Variants in ITCH observed in about 807,000 individuals in gnomAD.
The protein encoded by ITCH is E3 ubiquitin-protein ligase Itchy homolog.
In ITCH, 28 loss-of-function variants were observed where a neutral mutation model predicts 126.8. The observed-to-expected ratio is 0.22, with a 90% CI of 0.16 to 0.30. The LOEUF (loss-of-function observed/expected upper bound fraction) is 0.30. Among genes scored for constraint, ITCH ranks in the 10% least tolerant of loss-of-function variants. The pLI is 1.00. For missense variants in ITCH, 631 were observed against 1,032.4 expected (o/e 0.61, Z 5.33); for synonymous variants, 342 against 340.0 (o/e 1.01, Z -0.06).
intron 14 of ITCH, among the ~76,000 whole-genome samples, chr20:34,468,844 A>G (rs182252001): frequency 6.6e-6 from 1 of 152,234 alleles, no homozygotes; most frequent in East Asian, 1.9e-4. Flanking sequence ...ATTGGAAAGG[A>G]AGAAGTAAAA....
intron 14 of ITCH, among the ~76,000 whole-genome samples, 190 bp downstream of exon 14, chr20:34,462,411 T>G (rs948994754): frequency 1.3e-5 from 2 of 152,306 alleles, no homozygotes; most frequent in Non-Finnish European, 1.5e-5. Context: ...TTTTCATATT[T>G]GTTACCATTT....
At position 34,391,879 on chromosome 20, in the gene ITCH, T is replaced by G. The variant is rs2152736; in HGVS notation, c.-21-1912T>G. ...TAATTTTTGTAGAGATTTAAAATTT[T>G]TTGCAACTTTGTAATTAATGTTAAT... is the stretch of plus-strand genomic sequence containing the variant. On this transcript the variant is annotated intron_variant, in intron 2 of 24. Coordinates refer to ENST00000374864, the MANE Select transcript of ITCH (RefSeq NM_031483.7). Among the ~76,000 whole-genome samples, 647 of 152,260 alleles carry G rather than the reference T, an allele frequency of 4.2e-3. 15 individuals are homozygous for G. Among genetic ancestry groups the G allele is most frequent in the African/African-American group, 0.014 (587 of 41,548 alleles).
chr20:34,494,493 T>G (rs540952453), intron 23 of ITCH, among the ~76,000 whole-genome samples: 6 of 152,364 alleles, frequency 3.9e-5, no homozygotes, highest in African/African-American at 1.4e-4. Context: ...CTTTTTTACT[T>G]TTTAAATTAT....
chr20:34,443,975 C>T (rs975263829), intron 10 of ITCH, among the ~76,000 whole-genome samples: 1 of 152,168 alleles, frequency 6.6e-6, no homozygotes, highest in African/African-American at 2.4e-5. Flanking sequence ...GAGCCAGCCC[C>T]TGTCATCCTC....
chr20:34,401,695 A>G, intron 3 of ITCH: 1 of 882,338 alleles, frequency 1.1e-6, no homozygotes, highest in Non-Finnish European at 1.4e-6. Context: ...CTTAAGGGCC[A>G]TCCACTGGTT....
chr20:34,475,931 G>T lies in ITCH; in HGVS notation c.1570-1841G>T. 3 of 1,308,504 alleles carry T rather than the reference G, an allele frequency of 2.3e-6. No homozygotes were observed. The South Asian group carries it at 3.5e-5, about 15-fold the overall frequency. 81.1% of individuals were successfully genotyped at this position (1,308,504 alleles called of 1,614,324 possible). A position where few individuals can be genotyped will look rare whatever the true frequency, so the allele number is the denominator to read the frequency against. On this transcript the variant is annotated intron_variant, in intron 16 of 24. Coordinates refer to ENST00000374864, the MANE Select transcript of ITCH (RefSeq NM_031483.7). ...ATTCCTATTTGTTCTAGTTCAGGAG[G>T]TCTTGCCCACATCAATGGATTGTCT...
intron 7 of ITCH, among the ~76,000 whole-genome samples, chr20:34,437,193 G>T (rs1983124017): frequency 6.6e-6 from 1 of 152,016 alleles, no homozygotes; most frequent in African/African-American, 2.4e-5. Flanking sequence ...CTTGACTGTA[G>T]TACTTTTTTT....
intron 3 of ITCH, among the ~76,000 whole-genome samples, chr20:34,398,083 G>T (rs530521680): frequency 6.6e-6 from 1 of 150,488 alleles, no homozygotes; most frequent in East Asian, 2.0e-4. Flanking sequence ...TTCTTTTTGA[G>T]ATGGGGTCTC....
chr20:34,495,468 G>A (rs1355088690), intron 23 of ITCH, among the ~76,000 whole-genome samples: 2 of 151,862 alleles, frequency 1.3e-5, no homozygotes, highest in East Asian at 3.9e-4. Flanking sequence ...CCCTTCTGTA[G>A]TAACCACTGT....
chr20:34,441,878 G>C, intron 9 of ITCH: 1 of 324,700 alleles, frequency 3.1e-6, no homozygotes, highest in Non-Finnish European at 6.0e-6. Flanking sequence ...GAGCCACTGC[G>C]CCTGGCCATT....
At position 34,413,801 on chromosome 20, in the gene ITCH, G is replaced by A; in HGVS notation, c.397G>A (p.Gly133Arg). Residue 133 changes from glycine to arginine, a missense_variant, in exon 6 of 25, where the codon GGA (glycine) becomes AGA (arginine). Physicochemically the swap from Gly to Arg is moderately radical, Grantham distance 125 (BLOSUM62 -2). Coordinates refer to ENST00000374864, the MANE Select transcript of ITCH (RefSeq NM_031483.7). ...TGACAAAGAGCCAACAGAGACAATA[G>A]GAGACTTGTCAATTTGTCTTGATGG... ...GGDKEPTETI[G>R]DLSICLDGLQ... 6.2e-7 allele frequency: 1 copy of A among 1,613,324 alleles called. No individual in the cohort carries two copies. Among genetic ancestry groups the A allele is most frequent in the Non-Finnish European group, 8.5e-7 (1 of 1,179,378 alleles).
At chr20:34,450,585 G>T (rs1302287108) in intron 12 of ITCH, among the ~76,000 whole-genome samples, 3 of 152,108 alleles carry the variant, frequency 2.0e-5, no homozygotes, top group African/African-American at 4.8e-5. Context: ...AATAAAGATG[G>T]CAGTATAGAA....
chr20:34,410,249 T>G (rs1978808495), intron 4 of ITCH, among the ~76,000 whole-genome samples: 1 of 151,886 alleles, frequency 6.6e-6, no homozygotes. Context: ...GTGCCTGTAA[T>G]CCCAGCTACT....
intron 3 of ITCH, among the ~76,000 whole-genome samples, chr20:34,404,499 A>G (rs1321893991): frequency 1.3e-5 from 2 of 148,316 alleles, no homozygotes; most frequent in Non-Finnish European, 3.0e-5. Context: ...AGCTCACTAC[A>G]ACCTCTGCCT....
intron 22 of ITCH, among the ~76,000 whole-genome samples, chr20:34,492,278 C>A (rs375324347): frequency 5.5e-4 from 84 of 152,264 alleles, no homozygotes; most frequent in African/African-American, 2.0e-3. Flanking sequence ...CTCCTATAGT[C>A]CCAGCTACTC....
intron 16 of ITCH, among the ~76,000 whole-genome samples, chr20:34,473,233 G>A (rs1485436214): frequency 6.6e-6 from 1 of 152,196 alleles, no homozygotes; most frequent in African/African-American, 2.4e-5. Context: ...TGTTAACACA[G>A]CACAACTGGT....
intron 4 of ITCH, among the ~76,000 whole-genome samples, chr20:34,409,072 C>T (rs778024676): frequency 8.8e-5 from 13 of 148,546 alleles, no homozygotes; most frequent in South Asian, 2.1e-4. Context: ...CCCATGGTCA[C>T]GGACCTAAAA....
At chr20:34,470,145 T>C (rs769245867) in intron 15 of ITCH, 25 bp downstream of exon 15, 40 of 1,544,536 alleles carry the variant, frequency 2.6e-5, no homozygotes, top group Non-Finnish European at 3.3e-5. Flanking sequence ...TGTATCTCTG[T>C]ACTGCCTTAA....
At chr20:34,402,192 A>G in intron 3 of ITCH, 5 of 1,403,130 alleles carry the variant, frequency 3.6e-6, no homozygotes, top group Admixed American at 1.7e-5. Flanking sequence ...TGGAGGTTCC[A>G]GGGCAGCCAA....
Sources: allele counts gnomAD v4.1 joint callset (sites outside exome capture counted in the v4.1 genomes callset), GRCh38; gene constraint gnomAD v4.1.1; transcripts MANE v1.5; gene names NCBI Gene and HGNC (gene_info 2026-07-23, HGNC 2026-07-21).